Variants in FRZB observed in about 807,000 individuals in gnomAD.
FRZB encodes frizzled related protein.
A neutral mutation model predicts 32.5 loss-of-function variants in FRZB; 34 were observed. The observed-to-expected ratio is 1.05, with a 90% CI of 0.80 to 1.39. The LOEUF is 1.39. FRZB is among the 40% of genes most tolerant of loss of function. FRZB has a pLI of 0.00. For synonymous variants in FRZB, 170 were observed against 159.2 expected (o/e 1.07, Z -0.51); for missense variants, 423 against 424.8 (o/e 1.00, Z 0.04).
chr2:182,851,839 C>A (rs1266806384), intron 2 of FRZB, among the ~76,000 whole-genome samples: 1 of 152,162 alleles, frequency 6.6e-6, no homozygotes, highest in South Asian at 2.1e-4. Flanking sequence ...TGAACTCCAA[C>A]AGGAGGAATC....
rs183113464 is a variant in FRZB at position 182,849,738 on chromosome 2, C to T, written c.527-7195G>A. On this transcript the variant is annotated intron_variant, in intron 2 of 5. Coordinates refer to ENST00000295113, the MANE Select transcript of FRZB (RefSeq NM_001463.4). ...AATTGCTTAAGACTGACAGAACTAA[C>T]GCTATATTAATAAGAAAAGGAAATT... Among the ~76,000 whole-genome samples the T allele has an allele frequency of 7.2e-5, 11 of 152,280 alleles. No homozygotes were observed. The East Asian group carries it at 1.2e-3, about 16-fold the overall frequency.
chr2:182,853,140 C>T (rs1179852665), intron 2 of FRZB, among the ~76,000 whole-genome samples: 1 of 152,062 alleles, frequency 6.6e-6, no homozygotes, highest in Non-Finnish European at 1.5e-5. Context: ...ACAGAATGAG[C>T]TTTGGTTTTG....
rs1695487288 is a variant in FRZB, at chr2:182,833,420, G to A, written c.*1429C>T. Reference sequence around the variant, plus strand: ...AACTCTGCCAGAGGAAGGAAGTACAGATGCTCCGCCATTTACGATGGGGTT... The same window carrying A: ...AACTCTGCCAGAGGAAGGAAGTACAAATGCTCCGCCATTTACGATGGGGTT... On this transcript the variant is annotated 3_prime_UTR_variant, in exon 6 of 6. Coordinates refer to ENST00000295113, the MANE Select transcript of FRZB (RefSeq NM_001463.4). The A allele has an allele frequency of 6.6e-6, 1 of 152,202 alleles. No individual in the cohort carries two copies. The highest frequency in any genetic ancestry group is 1.5e-5 in the Non-Finnish European group (1 of 68,036). The allele number at this position is 152,202 out of a possible 1,614,324, so 9.4% of individuals were successfully genotyped here.
At position 182,864,896 on chromosome 2, in the gene FRZB, A is replaced by G. The variant is rs114103862; in HGVS notation, c.478+1179T>C. On this transcript the variant is annotated intron_variant, in intron 1 of 5. Transcript: ENST00000295113. ...TGGGGGGTGGGGGATGTGGTATGAAAGAGGACCACTCATGAAAAAAAATTG... is the reference window on the plus strand; with the variant it reads ...TGGGGGGTGGGGGATGTGGTATGAAGGAGGACCACTCATGAAAAAAAATTG... Among the ~76,000 whole-genome samples the G allele has an allele frequency of 2.1e-3, 316 of 152,328 alleles. 1 individual carries two copies. The highest frequency in any genetic ancestry group is 7.3e-3 in the African/African-American group (303 of 41,576).
chr2:182,851,981 G>A (rs1695714988), intron 2 of FRZB, among the ~76,000 whole-genome samples: 1 of 152,140 alleles, frequency 6.6e-6, no homozygotes, highest in Non-Finnish European at 1.5e-5. Flanking sequence ...AAGAGAACTG[G>A]TCAAAAGTAT....
chr2:182,856,510 C>T (rs1272875873), intron 2 of FRZB, among the ~76,000 whole-genome samples: 4 of 151,594 alleles, frequency 2.6e-5, no homozygotes, highest in African/African-American at 9.7e-5. Context: ...CAAAACATAC[C>T]AATCAAAAGA....
In FRZB at chr2:182,838,529, G is replaced by A. The variant is rs371741810; in HGVS notation, c.677C>T (p.Ser226Phe). 1.4e-4 allele frequency: 226 copies of A among 1,612,784 alleles called. No homozygotes were observed. Among genetic ancestry groups the A allele is most frequent in the Admixed American group, 1.8e-4 (11 of 59,880 alleles). ...AGTGTCCCGTGGAATGTTTACCAGA[G>A]AGGACTTTAGAATCTCCTTCACCTC... ...VVEVKEILKS[S>F]LVNIPRDTVN... Residue 226 changes from serine to phenylalanine, a missense_variant, in exon 4 of 6, where the codon TCT becomes TTT. By Grantham distance (155) the Ser-to-Phe change is radical (BLOSUM62 -2). Transcript: ENST00000295113.
intron 2 of FRZB, among the ~76,000 whole-genome samples, chr2:182,852,186 G>A (rs556747659): frequency 6.6e-6 from 1 of 152,280 alleles, no homozygotes; most frequent in South Asian, 2.1e-4. Context: ...GAGGAAAGAA[G>A]TGTAATAGAA....
intron 2 of FRZB, among the ~76,000 whole-genome samples, chr2:182,847,253 T>C (rs950796051): frequency 1.3e-5 from 2 of 152,130 alleles, no homozygotes; most frequent in African/African-American, 4.8e-5. Context: ...CAATATACTG[T>C]GAGAAAATGA....
At chr2:182,852,784 C>T (rs1695724175) in intron 2 of FRZB, among the ~76,000 whole-genome samples, 1 of 152,114 alleles carries the variant, frequency 6.6e-6, no homozygotes, top group African/African-American at 2.4e-5. Context: ...AAATAAAGAG[C>T]ATCTATTCCT....
intron 1 of FRZB, among the ~76,000 whole-genome samples, chr2:182,863,685 G>GA (rs78322511): frequency 0.36 from 54,228 of 152,028 alleles, 10,961 homozygotes; most frequent in Non-Finnish European, 0.44. Flanking sequence ...AGTTGAATAA[G>GA]AAAAAAACCT....
chr2:182,842,103 G>T (rs1695592065), intron 3 of FRZB, among the ~76,000 whole-genome samples: 1 of 152,132 alleles, frequency 6.6e-6, no homozygotes, highest in African/African-American at 2.4e-5. Flanking sequence ...ATGCATCAAA[G>T]TGCTCTGCTG....
chr2:182,844,309 T>C (rs528108662), intron 2 of FRZB, among the ~76,000 whole-genome samples: 1 of 152,284 alleles, frequency 6.6e-6, no homozygotes, highest in Non-Finnish European at 1.5e-5. Flanking sequence ...CAAAAATAAC[T>C]TTATTAGCAA....
chr2:182,837,754 C>G (rs1695543166), intron 5 of FRZB, among the ~76,000 whole-genome samples, 194 bp downstream of exon 5: 1 of 151,978 alleles, frequency 6.6e-6, no homozygotes. Context: ...GATACACATA[C>G]AGGGAACTCA....
At chr2:182,862,599 A>C (rs552438027) in intron 1 of FRZB, among the ~76,000 whole-genome samples, 7 of 152,344 alleles carry the variant, frequency 4.6e-5, no homozygotes, top group Non-Finnish European at 1.0e-4. Context: ...AACTAATAAA[A>C]GTTCTAGGCT....
At chr2:182,839,389 A>G (rs913731850) in intron 3 of FRZB, among the ~76,000 whole-genome samples, 4 of 151,966 alleles carry the variant, frequency 2.6e-5, no homozygotes, top group African/African-American at 7.2e-5. Flanking sequence ...TCACCACTAG[A>G]TCTTATTTCC....
At chr2:182,840,136 G>C (rs939259720) in intron 3 of FRZB, among the ~76,000 whole-genome samples, 1 of 152,036 alleles carries the variant, frequency 6.6e-6, no homozygotes, top group Non-Finnish European at 1.5e-5. Flanking sequence ...CTACCCAACT[G>C]TCCTCGCTTG....
intron 1 of FRZB, among the ~76,000 whole-genome samples, chr2:182,864,053 C>T (rs762099467): frequency 2.6e-5 from 4 of 152,196 alleles, no homozygotes; most frequent in Non-Finnish European, 5.9e-5. Flanking sequence ...AATACTCTGG[C>T]ATTTTAAAGA....
At chr2:182,844,839 T>C (rs1349805358) in intron 2 of FRZB, among the ~76,000 whole-genome samples, 1 of 152,170 alleles carries the variant, frequency 6.6e-6, no homozygotes, top group Non-Finnish European at 1.5e-5. Flanking sequence ...GCTAAGCAAA[T>C]ATTCTCGGGA....
Sources: gnomAD v4.1 joint callset for allele counts (sites outside exome capture counted in the v4.1 genomes callset) on GRCh38, gnomAD v4.1.1 for gene constraint, MANE v1.5 for transcripts, NCBI Gene and HGNC (gene_info 2026-07-23, HGNC 2026-07-21) for gene names.